SUMF1: variants seen among roughly 807,000 people sequenced by gnomAD.
The protein encoded by SUMF1 is sulfatase modifying factor 1, also known as formylglycine-generating enzyme.
In SUMF1, 48 loss-of-function variants were observed where a neutral mutation model predicts 47.6. The observed-to-expected ratio is 1.01, with a 90% CI of 0.80 to 1.28. The LOEUF (loss-of-function observed/expected upper bound fraction) is 1.28. Among genes scored for constraint, SUMF1 ranks in the 50% most tolerant of loss-of-function variants. The probability of loss-of-function intolerance (pLI) is 0.00; values close to 1 mark genes in which losing one functional copy is unlikely to be tolerated. For missense variants in SUMF1, 571 were observed against 485.4 expected (o/e 1.18, Z -1.66); for synonymous variants, 230 against 192.1 (o/e 1.20, Z -1.63).
At chr3:4,099,113 G>A (rs139609805) in intron 8 of SUMF1, among the ~76,000 whole-genome samples, 1 of 152,204 alleles carries the variant, frequency 6.6e-6, no homozygotes, top group East Asian at 1.9e-4. Flanking sequence ...ATAACATCCA[G>A]ATAATGGTGG....
chr3:4,062,926 T>C (rs1037843180), intron 9 of SUMF1, among the ~76,000 whole-genome samples: 5 of 152,130 alleles, frequency 3.3e-5, no homozygotes, highest in Non-Finnish European at 7.4e-5. Context: ...GATGGCCTGC[T>C]TGATGGCCAC....
At chr3:4,231,753 G>A (rs745888809) in intron 8 of SUMF1, among the ~76,000 whole-genome samples, 23 of 152,246 alleles carry the variant, frequency 1.5e-4, no homozygotes, top group Middle Eastern at 3.4e-3. Flanking sequence ...ACAGCTGCAT[G>A]TTGAGAAGAA....
At chr3:4,359,258 C>T (rs975792335), downstream of SUMF1, among the ~76,000 whole-genome samples, 6 of 152,192 alleles carry the variant, frequency 3.9e-5, no homozygotes, top group South Asian at 2.1e-4. Flanking sequence ...CTTAAATAAA[C>T]GGCTTGTTAG....
At chr3:4,402,460 G>A in intron 7 of SUMF1, among the ~76,000 whole-genome samples, 1 of 152,128 alleles carries the variant, frequency 6.6e-6, no homozygotes, top group East Asian at 1.9e-4. Context: ...CAACAAACTA[G>A]GAGCTTCTTA....
chr3:4,419,972 G>A, intron 4 of SUMF1, 92 bp downstream of exon 4: 1 of 971,360 alleles, frequency 1.0e-6, no homozygotes, highest in Admixed American at 1.9e-5. Context: ...TCATTTTATA[G>A]ATGAAGATGC....
intron 8 of SUMF1, among the ~76,000 whole-genome samples, chr3:4,197,761 T>G (rs2125149323): frequency 6.6e-6 from 1 of 152,222 alleles, no homozygotes; most frequent in East Asian, 1.9e-4. Flanking sequence ...CTAACCTTAA[T>G]ACATGCAGAT....
At chr3:4,210,130 A>C (rs1335517878) in intron 8 of SUMF1, among the ~76,000 whole-genome samples, 1 of 152,048 alleles carries the variant, frequency 6.6e-6, no homozygotes, top group Non-Finnish European at 1.5e-5. Context: ...CCTGACCTCA[A>C]GTGATCTGCC....
intron 7 of SUMF1, among the ~76,000 whole-genome samples, chr3:4,402,359 C>A (rs1181968726): frequency 1.3e-5 from 2 of 152,194 alleles, no homozygotes; most frequent in Non-Finnish European, 2.9e-5. Flanking sequence ...TGGTAGAGAA[C>A]AGAGGTCACC....
intron 8 of SUMF1, among the ~76,000 whole-genome samples, chr3:4,363,407 G>C (rs1309740007): frequency 1.3e-5 from 2 of 152,080 alleles, no homozygotes; most frequent in East Asian, 3.9e-4. Context: ...ATTGAGCAGT[G>C]GTTTGTAGTT....
intron 7 of SUMF1, among the ~76,000 whole-genome samples, chr3:4,399,996 C>G (rs1016239126): frequency 6.6e-6 from 1 of 152,202 alleles, no homozygotes. Context: ...ACTTCACCTT[C>G]CCAAGATGCT....
chr3:4,238,124 G>A (rs763207883), intron 8 of SUMF1, among the ~76,000 whole-genome samples: 1 of 152,052 alleles, frequency 6.6e-6, no homozygotes, highest in African/African-American at 2.4e-5. Flanking sequence ...CCTTTTTATG[G>A]CTGCATAGTA....
intron 8 of SUMF1, among the ~76,000 whole-genome samples, chr3:4,289,672 T>C (rs1485470174): frequency 6.6e-6 from 1 of 152,184 alleles, no homozygotes; most frequent in Non-Finnish European, 1.5e-5. Flanking sequence ...TGGATCTACC[T>C]TCTCTTAATT....
intron 8 of SUMF1, among the ~76,000 whole-genome samples, chr3:4,236,192 G>A (rs1295007883): frequency 6.6e-6 from 1 of 151,974 alleles, no homozygotes; most frequent in Non-Finnish European, 1.5e-5. Context: ...CACCTAGATA[G>A]TAAAAATTCA....
chr3:4,344,381 G>C (rs945194795), intron 8 of SUMF1, among the ~76,000 whole-genome samples: 1 of 152,122 alleles, frequency 6.6e-6, no homozygotes, highest in Non-Finnish European at 1.5e-5. Context: ...AGGCACAGGA[G>C]CAAATCAGAC....
At chr3:4,319,399 C>T (rs981419465) in intron 8 of SUMF1, among the ~76,000 whole-genome samples, 1 of 152,066 alleles carries the variant, frequency 6.6e-6, no homozygotes, top group Non-Finnish European at 1.5e-5. Flanking sequence ...CCCTGACCAA[C>T]TACAACTGGG....
intron 8 of SUMF1, among the ~76,000 whole-genome samples, chr3:4,348,005 G>C (rs192813): frequency 0.78 from 118,141 of 152,032 alleles, 46,440 homozygotes; most frequent in African/African-American, 0.89. Context: ...CAACTACAAA[G>C]CACTGCTCAA....
At chr3:4,256,371 A>G (rs1398869726) in intron 8 of SUMF1, among the ~76,000 whole-genome samples, 1 of 105,712 alleles carries the variant, frequency 9.5e-6, no homozygotes. Context: ...ACCACTAGCA[A>G]GACTGATAAA....
intron 8 of SUMF1, among the ~76,000 whole-genome samples, chr3:4,144,341 G>C (rs776427440): frequency 2.0e-5 from 3 of 152,074 alleles, no homozygotes; most frequent in African/African-American, 7.2e-5. Context: ...TGAGAAAAGA[G>C]GTGATAGAAA....
chr3:4,466,666 G>A (rs1253801499), intron 1 of SUMF1, among the ~76,000 whole-genome samples: 1 of 152,104 alleles, frequency 6.6e-6, no homozygotes, highest in African/African-American at 2.4e-5. Context: ...GAGAGGAAAT[G>A]GTGATTTAAA....
Sources: allele counts gnomAD v4.1 joint callset (sites outside exome capture counted in the v4.1 genomes callset), GRCh38; gene constraint gnomAD v4.1.1; transcripts MANE v1.5; gene names NCBI Gene and HGNC (gene_info 2026-07-23, HGNC 2026-07-21).